The following SLIT2 variants were observed in gnomAD, a reference collection of about 807,000 sequenced individuals.
SLIT2 encodes the protein slit guidance ligand 2, also known as slit homolog 2 protein.
SLIT2 carries 41 observed loss-of-function variants against 185.7 expected under a neutral mutation model. That is an observed-to-expected ratio of 0.22 (90% CI 0.17 to 0.29). The LOEUF is 0.29. Among genes scored for constraint, SLIT2 ranks in the 10% least tolerant of loss-of-function variants. SLIT2 has a pLI of 1.00. For missense variants in SLIT2, 1,571 were observed against 1,909.0 expected, an observed-to-expected ratio of 0.82 and a Z score of 3.30; for synonymous variants, 693 against 680.2, an observed-to-expected ratio of 1.02 and a Z score of -0.29.
At chr4:20,367,237 C>G (rs1261911869) in intron 4 of SLIT2, among the ~76,000 whole-genome samples, 1 of 152,252 alleles carries the variant, frequency 6.6e-6, no homozygotes, top group Non-Finnish European at 1.5e-5. Flanking sequence ...CTTGCTTACT[C>G]TGTGATAAGG....
intron 25 of SLIT2, among the ~76,000 whole-genome samples, chr4:20,551,229 T>A (rs12512133): frequency 0.023 from 3,576 of 152,310 alleles, 61 homozygotes; most frequent in South Asian, 0.1. Context: ...TAATTATCTA[T>A]CCTAACCCTG....
chr4:20,568,962 G>A lies in SLIT2; in HGVS notation c.3046G>A (p.Gly1016Ser). Residue 1016 changes from glycine (G) to serine (S), a missense_variant, in exon 29 of 37, where the codon GGC (glycine) becomes AGC (serine). Transcript: ENST00000504154. ...TGAAAATAATTCTACATGTGTCGATGGCATTAATAACTACACATGCCTTTG... is the reference window on the plus strand; with the variant it reads ...TGAAAATAATTCTACATGTGTCGATAGCATTAATAACTACACATGCCTTTG... ...DCENNSTCVDGINNYTCLCPP... is the reference protein window; with the variant it reads ...DCENNSTCVDSINNYTCLCPP... The A allele has an allele frequency of 3.1e-6, 5 of 1,612,282 alleles. No individual in the cohort carries two copies. Among genetic ancestry groups the A allele is most frequent in the Non-Finnish European group, 4.2e-6 (5 of 1,178,684 alleles).
chr4:20,265,928 T>C (rs571572696), intron 3 of SLIT2, among the ~76,000 whole-genome samples: 2 of 152,042 alleles, frequency 1.3e-5, no homozygotes, highest in East Asian at 3.9e-4. Context: ...GGGTATGTTT[T>C]AGTGTCATAC....
In SLIT2 at chr4:20,620,035, G is replaced by T; in HGVS notation, c.*1026G>T. The T allele has an allele frequency of 5.9e-6, 1 of 168,646 alleles. No homozygotes were observed. The highest frequency in any genetic ancestry group is 1.5e-4 in the South Asian group (1 of 6,762). The allele number at this position is 168,646 out of a possible 1,614,324, so 10.4% of individuals were successfully genotyped here. A position where few individuals can be genotyped will look rare whatever the true frequency, so the allele number is the denominator to read the frequency against. On this transcript the variant is annotated 3_prime_UTR_variant, in exon 37 of 37. Coordinates refer to ENST00000504154, the MANE Select transcript of SLIT2 (RefSeq NM_004787.4). ...GTCAATGACCTACTGGCCTCATTCA[G>T]GACACCTGCAGAGAGTATGCAAAGT...
At chr4:20,540,243 G>T (rs894341091) in intron 19 of SLIT2, among the ~76,000 whole-genome samples, 1 of 151,022 alleles carries the variant, frequency 6.6e-6, no homozygotes. Context: ...ATCCAAGATC[G>T]CATCACTGCA....
chr4:20,524,776 C>T (rs1553917743), intron 14 of SLIT2, among the ~76,000 whole-genome samples: 1 of 152,086 alleles, frequency 6.6e-6, no homozygotes, highest in Non-Finnish European at 1.5e-5. Flanking sequence ...AATATGAATG[C>T]ATTGTATTGA....
intron 4 of SLIT2, among the ~76,000 whole-genome samples, chr4:20,290,488 G>C (rs999815648): frequency 4.6e-5 from 7 of 152,202 alleles, no homozygotes; most frequent in Admixed American, 3.3e-4. Context: ...ACTAGGCCAT[G>C]TAAGGGACTT....
At chr4:20,539,230 G>A (rs1722584012) in intron 18 of SLIT2, among the ~76,000 whole-genome samples, 1 of 152,144 alleles carries the variant, frequency 6.6e-6, no homozygotes. Flanking sequence ...CGTGCCTTTT[G>A]TAACTGAGAT....
At chr4:20,616,460 T>A (rs1729659301) in intron 34 of SLIT2, 1 of 153,154 alleles carries the variant, frequency 6.5e-6, no homozygotes, top group South Asian at 2.1e-4. Flanking sequence ...GTCTTTAAGA[T>A]AAGGGGTAGA....
intron 4 of SLIT2, among the ~76,000 whole-genome samples, chr4:20,329,711 A>T (rs983433545): frequency 2.6e-5 from 4 of 152,116 alleles, no homozygotes; most frequent in African/African-American, 7.2e-5. Flanking sequence ...TCTGGGTAAC[A>T]GTCTAAGCTG....
rs187503285 is a variant in SLIT2 at position 20,431,160 on chromosome 4, C to T, written c.396-36592C>T. Among the ~76,000 whole-genome samples, 14 of 152,256 alleles carry T rather than the reference C, an allele frequency of 9.2e-5. No homozygotes were observed. The East Asian group carries it at 2.7e-3, about 29-fold the overall frequency. On this transcript the variant is annotated intron_variant, in intron 4 of 36. Transcript: ENST00000504154. ...GAATGGGTTTTCCTCTAACTCATATCGTATCTTCTTCAAGGTCGTTTCTAA... is the reference window on the plus strand; with the variant it reads ...GAATGGGTTTTCCTCTAACTCATATTGTATCTTCTTCAAGGTCGTTTCTAA...
At chr4:20,437,418 C>T (rs1729423537) in intron 4 of SLIT2, among the ~76,000 whole-genome samples, 1 of 152,072 alleles carries the variant, frequency 6.6e-6, no homozygotes, top group Non-Finnish European at 1.5e-5. Context: ...AGTTTGAGAC[C>T]AGCCTGGGCA....
At chr4:20,380,494 G>C (rs1724407044) in intron 4 of SLIT2, among the ~76,000 whole-genome samples, 1 of 151,974 alleles carries the variant, frequency 6.6e-6, no homozygotes, top group African/African-American at 2.4e-5. Context: ...AAGAATAAGA[G>C]ACAAAGATGA....
At chr4:20,393,199 A>G (rs1725579807) in intron 4 of SLIT2, among the ~76,000 whole-genome samples, 1 of 152,086 alleles carries the variant, frequency 6.6e-6, no homozygotes, top group Non-Finnish European at 1.5e-5. Flanking sequence ...ACGTCTTTAT[A>G]TGGCTCATAA....
chr4:20,570,712 A>AATAT (rs531995886), intron 29 of SLIT2, among the ~76,000 whole-genome samples: 5 of 112,316 alleles, frequency 4.5e-5, no homozygotes, highest in South Asian at 3.3e-4. Flanking sequence ...CAGAACCAGG[A>AATAT]ATATATATAT....
At chr4:20,545,107 T>C (rs1577898624) in intron 21 of SLIT2, among the ~76,000 whole-genome samples, 1 of 152,252 alleles carries the variant, frequency 6.6e-6, no homozygotes, top group East Asian at 1.9e-4. Flanking sequence ...CAGCTATTTC[T>C]ATATCCAGAA....
At chr4:20,483,722 T>A (rs1408436996) in intron 6 of SLIT2, among the ~76,000 whole-genome samples, 1 of 152,014 alleles carries the variant, frequency 6.6e-6, no homozygotes, top group Non-Finnish European at 1.5e-5. Context: ...TATTTATACA[T>A]CAAGATGTCT....
chr4:20,571,651 T>C (rs558258365), intron 29 of SLIT2, among the ~76,000 whole-genome samples: 4 of 152,326 alleles, frequency 2.6e-5, no homozygotes, highest in African/African-American at 7.2e-5. Context: ...AATTTGAGTT[T>C]GGAATCTGAT....
chr4:20,591,022 G>A (rs1577983542), intron 30 of SLIT2, among the ~76,000 whole-genome samples: 1 of 152,208 alleles, frequency 6.6e-6, no homozygotes, highest in Admixed American at 6.5e-5. Flanking sequence ...CAGGGGTTGA[G>A]CTGTGCTTTC....
Sources: gnomAD v4.1 joint callset for allele counts (sites outside exome capture counted in the v4.1 genomes callset) on GRCh38, gnomAD v4.1.1 for gene constraint, MANE v1.5 for transcripts, NCBI Gene and HGNC (gene_info 2026-07-23, HGNC 2026-07-21) for gene names.